Variants in CA2 observed in about 807,000 individuals in gnomAD.
The protein encoded by CA2 is carbonic anhydrase 2, also known as carbonate dehydratase II.
In CA2, 23 loss-of-function variants were observed where a neutral mutation model predicts 27.8. The observed-to-expected ratio is 0.83, with a 90% CI of 0.59 to 1.17. CA2 has a LOEUF of 1.17. Among genes scored for constraint, CA2 ranks in the 50% most tolerant of loss-of-function variants. The pLI is 0.00. For synonymous variants in CA2, 99 were observed against 114.9 expected, an observed-to-expected ratio of 0.86 and a Z score of 0.88; for missense variants, 300 against 314.7, an observed-to-expected ratio of 0.95 and a Z score of 0.35.
chr8:85,476,985 GAATATAGAACCTC>G, intron 5 of CA2, 122 bp from the exon 6 acceptor site: 1 of 786,156 alleles, frequency 1.3e-6, no homozygotes, highest in Non-Finnish European at 2.2e-6. Flanking sequence ...GTTTGCCAGT[GAATATAGAACCTC>G]TTTTTTAAAA....
At chr8:85,466,184 TATC>T (rs1811628374) in intron 2 of CA2, among the ~76,000 whole-genome samples, 1 of 150,242 alleles carries the variant, frequency 6.7e-6, no homozygotes, top group Non-Finnish European at 1.5e-5. Flanking sequence ...TTTTTTTTTT[TATC>T]TCTCTCTCTT....
At chr8:85,473,040 TA>T (rs11306712) in intron 2 of CA2, among the ~76,000 whole-genome samples, 28,014 of 143,242 alleles carry the variant, frequency 0.2, 3,565 homozygotes, top group East Asian at 0.51. Context: ...AAATAAATAA[TA>T]AAAAAAATTA....
chr8:85,477,491 G>A (rs1041947531), intron 6 of CA2, among the ~76,000 whole-genome samples: 2 of 150,764 alleles, frequency 1.3e-5, no homozygotes, highest in African/African-American at 4.9e-5. Context: ...CTCTAAAATT[G>A]AATAGTCATT....
In CA2 at chr8:85,474,406, T is replaced by C. The variant is rs781385340; in HGVS notation, c.434T>C (p.Ile145Thr). 17 of 1,611,384 alleles carry C rather than the reference T, an allele frequency of 1.1e-5. No individual in the cohort carries two copies. Among genetic ancestry groups the C allele is most frequent in the Admixed American group, 3.3e-5 (2 of 60,018 alleles). Residue 145 changes from isoleucine (I) to threonine (T), a missense_variant, in exon 4 of 7, where the codon ATT (isoleucine) becomes ACT (threonine). Ile to Thr is a moderately conservative substitution (Grantham distance 89). Coordinates refer to ENST00000285379, the MANE Select transcript of CA2 (RefSeq NM_000067.3). ...QQPDGLAVLG[I>T]FLKVGSAKPG... ...CCTGATGGACTGGCCGTTCTAGGTATTTTTTTGAAGGTTAGTTGATGACCC... is the reference window on the plus strand; with the variant it reads ...CCTGATGGACTGGCCGTTCTAGGTACTTTTTTGAAGGTTAGTTGATGACCC...
At position 85,465,289 on chromosome 8, in the gene CA2, A is replaced by G. The variant is rs118203931; in HGVS notation, c.52A>G (p.Lys18Glu). The stretch of plus-strand genomic sequence containing the variant: ...TCCCCCAGGACCTGAGCACTGGCAT[A>G]AGGACTTCCCCATTGCCAAGGGAGA... ...GKHNGPEHWH[K>E]DFPIAKGERQ... Residue 18 changes from lysine (K) to glutamate (E), a missense_variant, in exon 2 of 7, where the codon AAG (lysine) becomes GAG (glutamate). Physicochemically the swap from Lys to Glu is moderately conservative, Grantham distance 56. Coordinates refer to ENST00000285379, the MANE Select transcript of CA2 (RefSeq NM_000067.3). 6.2e-7 allele frequency: 1 copy of G among 1,614,032 alleles called. No homozygotes were observed. The highest frequency in any genetic ancestry group is 2.2e-5 in the East Asian group (1 of 44,876).
Position 85,475,707 on chromosome 8 carries a change from G to A in CA2, c.445-91G>A, listed in dbSNP as rs1363398045. On this transcript the variant is annotated intron_variant, in intron 4 of 6. Coordinates refer to ENST00000285379, the MANE Select transcript of CA2 (RefSeq NM_000067.3). ...GTGGAGAATTTGGGCTCACTATTTG[G>A]ATGTTTTCTAATAGAGCTACCCAAA... is the stretch of plus-strand genomic sequence containing the variant. 2.6e-6 allele frequency: 3 copies of A among 1,164,244 alleles called. No individual in the cohort carries two copies. In the African/African-American group the frequency reaches 4.5e-5, roughly 18 times the overall value. The allele number at this position is 1,164,244 out of a possible 1,614,324, so 72.1% of individuals were successfully genotyped here.
At chr8:85,477,331 G>T in intron 6 of CA2, 56 bp downstream of exon 6, 1 of 1,595,138 alleles carries the variant, frequency 6.3e-7, no homozygotes, top group South Asian at 1.1e-5. Flanking sequence ...CAAGGCAGAA[G>T]ACCTTGGCCT....
chr8:85,470,909 T>G (rs990352252), intron 2 of CA2, among the ~76,000 whole-genome samples: 1 of 152,128 alleles, frequency 6.6e-6, no homozygotes, highest in South Asian at 2.1e-4. Flanking sequence ...ATTGACTCTT[T>G]AAAGCACCAC....
At chr8:85,469,874 G>T (rs919601863) in intron 2 of CA2, among the ~76,000 whole-genome samples, 2 of 152,122 alleles carry the variant, frequency 1.3e-5, no homozygotes, top group African/African-American at 2.4e-5. Flanking sequence ...GTGACCCATT[G>T]TCTGTATGAC....
chr8:85,467,954 T>C (rs1313148619), intron 2 of CA2, among the ~76,000 whole-genome samples: 2 of 152,218 alleles, frequency 1.3e-5, no homozygotes, highest in Non-Finnish European at 2.9e-5. Flanking sequence ...CTTAAATGCA[T>C]GGGAAGCTAA....
At position 85,465,412 on chromosome 8, in the gene CA2, A is replaced by T; in HGVS notation, c.175A>T (p.Ile59Phe). The change falls in exon 2 of 7, where the codon ATC becomes TTC. Residue 59 changes from isoleucine (I) to phenylalanine (F), a missense_variant. Transcript: ENST00000285379. The part of the protein sequence containing the change: ...VSYDQATSLR[I>F]LNNGHAFNVE... ...CTATGATCAAGCAACTTCCCTGAGG[A>T]TCCTCAACAATGGTCATGCTTTCAA... is the stretch of plus-strand genomic sequence containing the variant. 1 of 1,614,190 alleles carries T rather than the reference A, an allele frequency of 6.2e-7. No individual in the cohort carries two copies. Among genetic ancestry groups the T allele is most frequent in the Non-Finnish European group, 8.5e-7 (1 of 1,180,034 alleles).
rs528085880 is a variant in CA2, at chr8:85,473,864, T to C, written c.351+53T>C. Reference sequence around the variant, plus strand: ...AGGGAAAAATGTTTATAAGTTGATATTTAGCATTAATTTCAAAAGCTTAAT... The same window carrying C: ...AGGGAAAAATGTTTATAAGTTGATACTTAGCATTAATTTCAAAAGCTTAAT... On this transcript the variant is annotated intron_variant, in intron 3 of 6. Transcript: ENST00000285379. The C allele has an allele frequency of 4.0e-6, 4 of 999,138 alleles. No individual in the cohort carries two copies. In the East Asian group the frequency reaches 9.5e-5, roughly 24 times the overall value. The allele number at this position is 999,138 out of a possible 1,614,324, so 61.9% of individuals were successfully genotyped here.
intron 6 of CA2, among the ~76,000 whole-genome samples, chr8:85,479,701 T>C (rs1418804262): frequency 6.6e-6 from 1 of 152,174 alleles, no homozygotes; most frequent in East Asian, 1.9e-4. Flanking sequence ...GGTTCTAATG[T>C]TAAATGCATA....
chr8:85,464,043 G>A lies in CA2; in HGVS notation c.-39G>A, dbSNP rs1189350775. On this transcript the variant is annotated 5_prime_UTR_variant, in exon 1 of 7. Transcript: ENST00000285379. ...GCGCCCAAGCCGCCGCCGCCAGATC[G>A]GTGCCGATTCCTGCCCTGCCCCGAC... 2 of 1,540,572 alleles carry A rather than the reference G, an allele frequency of 1.3e-6. No individual in the cohort carries two copies. Among genetic ancestry groups the A allele is most frequent in the African/African-American group, 1.4e-5 (1 of 72,604 alleles).
intron 2 of CA2, among the ~76,000 whole-genome samples, chr8:85,468,196 A>G (rs1811657727): frequency 6.6e-6 from 1 of 152,222 alleles, no homozygotes; most frequent in African/African-American, 2.4e-5. Flanking sequence ...GGCTTGAAGG[A>G]TTTTGATGTC....
At chr8:85,476,357 A>C (rs1168674004) in intron 5 of CA2, among the ~76,000 whole-genome samples, 1 of 152,146 alleles carries the variant, frequency 6.6e-6, no homozygotes, top group Non-Finnish European at 1.5e-5. Context: ...GAGGTCGTTG[A>C]GCATCTGTTT....
In CA2 at chr8:85,475,823, A is replaced by G; in HGVS notation, c.470A>G (p.Gln157Arg). The G allele has an allele frequency of 6.2e-7, 1 of 1,614,128 alleles. No homozygotes were observed. The highest frequency in any genetic ancestry group is 8.5e-7 in the Non-Finnish European group (1 of 1,180,008). ...LKVGSAKPGL[Q>R]KVVDVLDSIK... is the part of the protein sequence containing the mutation. ...GTTGGCAGCGCTAAACCGGGCCTTC[A>G]GAAAGTTGTTGATGTGCTGGATTCC... The change falls in exon 5 of 7, where the codon CAG (glutamine) becomes CGG (arginine). Residue 157 changes from glutamine (Q) to arginine (R), a missense_variant. By Grantham distance (43) the Gln-to-Arg change is conservative (BLOSUM62 1). This residue lies in a region of CA2 where 173 missense variants were observed against 161.0 expected (regional missense o/e 1.07). Coordinates refer to ENST00000285379, the MANE Select transcript of CA2 (RefSeq NM_000067.3).
In CA2 at chr8:85,475,884, T is replaced by C. The variant is rs781683127; in HGVS notation, c.507+24T>C. The C allele has an allele frequency of 2.1e-5, 33 of 1,598,900 alleles. No homozygotes were observed. In the East Asian group the frequency reaches 7.4e-4, roughly 36 times the overall value. ...AGGTAAATTTGAATTTTCTGCCACC[T>C]CCTTAGGGTACCAATTTTCAATACT... On this transcript the variant is annotated intron_variant, in intron 5 of 6. Coordinates refer to ENST00000285379, the MANE Select transcript of CA2 (RefSeq NM_000067.3).
rs80218163 is a variant in CA2, at chr8:85,474,799, G to A, written c.444+383G>A. On this transcript the variant is annotated intron_variant, in intron 4 of 6. Coordinates refer to ENST00000285379, the MANE Select transcript of CA2 (RefSeq NM_000067.3). ...TTTCAGGCAACAGTGGGACAGAACCGGTTGAGCTGCCCTCTAAACAGTGGT... is the reference window on the plus strand; with the variant it reads ...TTTCAGGCAACAGTGGGACAGAACCAGTTGAGCTGCCCTCTAAACAGTGGT... Among the ~76,000 whole-genome samples the A allele has an allele frequency of 5.9e-5, 9 of 152,096 alleles. No individual in the cohort carries two copies. In the South Asian group the frequency reaches 1.0e-3, roughly 18 times the overall value.
Sources: gnomAD v4.1 joint callset for allele counts (sites outside exome capture counted in the v4.1 genomes callset) on GRCh38, gnomAD v4.1.1 for gene constraint, gnomAD v4.1.1 regional missense constraint, MANE v1.5 for transcripts, NCBI Gene and HGNC (gene_info 2026-07-23, HGNC 2026-07-21) for gene names.